ZBTB20: variants seen among roughly 807,000 people sequenced by gnomAD.
The protein encoded by ZBTB20 is zinc finger and BTB domain-containing protein 20.
Under a neutral mutation model 56.9 loss-of-function variants are expected in ZBTB20, and 9 were observed. That is an observed-to-expected ratio of 0.16 (90% CI 0.10 to 0.28). The LOEUF is 0.28. ZBTB20 is among the 10% of genes least tolerant of loss of function. The pLI, the probability that ZBTB20 is intolerant of heterozygous loss-of-function variation, is 1.00. For missense variants in ZBTB20, 655 were observed against 1,003.0 expected (o/e 0.65, Z 4.69); for synonymous variants, 417 against 420.7 (o/e 0.99, Z 0.11).
chr3:114,907,612 T>C (rs1356810116), intron 3 of ZBTB20, among the ~76,000 whole-genome samples: 2 of 151,914 alleles, frequency 1.3e-5, no homozygotes, highest in African/African-American at 4.8e-5. Context: ...TTTAGTAGTC[T>C]ATGTTCCCTG....
At chr3:114,709,608 G>T (rs956083615) in intron 5 of ZBTB20, among the ~76,000 whole-genome samples, 1 of 152,098 alleles carries the variant, frequency 6.6e-6, no homozygotes, top group Admixed American at 6.6e-5. Flanking sequence ...AAATGTTCTG[G>T]AATAGGCTGC....
At chr3:114,786,823 A>G (rs1437941665) in intron 5 of ZBTB20, among the ~76,000 whole-genome samples, 2 of 152,070 alleles carry the variant, frequency 1.3e-5, no homozygotes, top group African/African-American at 2.4e-5. Context: ...AGCTACTGAA[A>G]CTCTTATACA....
chr3:114,621,858 G>C (rs894735749), intron 6 of ZBTB20, among the ~76,000 whole-genome samples: 1 of 151,956 alleles, frequency 6.6e-6, no homozygotes, highest in Non-Finnish European at 1.5e-5. Context: ...AAAATACATC[G>C]TCTTGCCTTT....
At chr3:114,531,361 A>C (rs2047820706) in intron 6 of ZBTB20, among the ~76,000 whole-genome samples, 1 of 152,252 alleles carries the variant, frequency 6.6e-6, no homozygotes, top group Admixed American at 6.5e-5. Context: ...TTTGAGGACT[A>C]GATAAGTGAA....
chr3:114,473,628 G>T (rs932572508), intron 7 of ZBTB20, among the ~76,000 whole-genome samples: 2 of 152,146 alleles, frequency 1.3e-5, no homozygotes, highest in African/African-American at 4.8e-5. Context: ...CCCAGAGTTT[G>T]AGGCCAGCCT....
chr3:114,819,501 A>C (rs1439371478), intron 4 of ZBTB20, among the ~76,000 whole-genome samples: 1 of 151,962 alleles, frequency 6.6e-6, no homozygotes, highest in African/African-American at 2.4e-5. Flanking sequence ...AAAAGCAGAT[A>C]GTCCAGAAAT....
chr3:114,641,046 A>C (rs2059532231), intron 6 of ZBTB20, among the ~76,000 whole-genome samples: 1 of 152,118 alleles, frequency 6.6e-6, no homozygotes, highest in South Asian at 2.1e-4. Flanking sequence ...GAACATTATT[A>C]TTAACCCTTT....
intron 2 of ZBTB20, among the ~76,000 whole-genome samples, chr3:115,053,838 G>A (rs970004524): frequency 6.6e-6 from 1 of 152,000 alleles, no homozygotes; most frequent in Non-Finnish European, 1.5e-5. Flanking sequence ...AGAGGAAAAA[G>A]GATGAAAACA....
At chr3:114,936,335 T>G (rs1432305827) in intron 3 of ZBTB20, among the ~76,000 whole-genome samples, 1 of 152,194 alleles carries the variant, frequency 6.6e-6, no homozygotes, top group Admixed American at 6.5e-5. Flanking sequence ...TAAAACTGTC[T>G]GTCTTTCCTG....
chr3:114,710,213 T>C (rs925621667), intron 5 of ZBTB20: 4 of 152,226 alleles, frequency 2.6e-5, no homozygotes, highest in African/African-American at 7.2e-5. Context: ...GCAGACTGAA[T>C]TGAGACCAGT....
At chr3:114,745,430 G>C (rs2066965936) in intron 5 of ZBTB20, among the ~76,000 whole-genome samples, 2 of 152,076 alleles carry the variant, frequency 1.3e-5, no homozygotes, top group South Asian at 4.1e-4. Context: ...TACACATAAG[G>C]GAAGAGTCTG....
chr3:114,875,004 A>G (rs1308768813), intron 4 of ZBTB20, among the ~76,000 whole-genome samples: 1 of 152,128 alleles, frequency 6.6e-6, no homozygotes, highest in African/African-American at 2.4e-5. Flanking sequence ...TCATGTGCTC[A>G]TAGTCCTCTT....
At chr3:114,798,351 A>AAAAAAC (rs760294473) in intron 5 of ZBTB20, among the ~76,000 whole-genome samples, 13 of 22,412 alleles carry the variant, frequency 5.8e-4, no homozygotes, top group Non-Finnish European at 5.8e-4. Context: ...CAAAAAAACA[A>AAAAAAC]AAAAAAACAC....
chr3:114,631,277 T>A (rs1191405837), intron 6 of ZBTB20, among the ~76,000 whole-genome samples: 1 of 151,938 alleles, frequency 6.6e-6, no homozygotes, highest in East Asian at 1.9e-4. Context: ...TCGATTATCA[T>A]TTTTCCTTTC....
At position 115,062,137 on chromosome 3, in the gene ZBTB20, C is replaced by T. The variant is rs555264765; in HGVS notation, c.-507+9082G>A. 2.0e-5 allele frequency among the ~76,000 whole-genome samples: 3 copies of T among 152,286 alleles called. No homozygotes were observed. In the East Asian group the frequency reaches 5.8e-4, roughly 29 times the overall value. On this transcript the variant is annotated intron_variant, in intron 2 of 11. Coordinates refer to ENST00000675478, the MANE Select transcript of ZBTB20 (RefSeq NM_001348800.3). ...CCTATTATGCCAGTTACCAGCATTG[C>T]CAGCCCCTTTGCCCTTCACTGCCTG...
At chr3:114,914,071 T>A (rs1458083474) in intron 3 of ZBTB20, among the ~76,000 whole-genome samples, 1 of 152,100 alleles carries the variant, frequency 6.6e-6, no homozygotes, top group African/African-American at 2.4e-5. Context: ...TCTTTTGTGG[T>A]TTCCTATAAA....
intron 4 of ZBTB20, among the ~76,000 whole-genome samples, chr3:114,852,662 T>A (rs1169679264): frequency 2.0e-5 from 3 of 152,230 alleles, no homozygotes; most frequent in Admixed American, 6.5e-5. Flanking sequence ...TTGTGGTATA[T>A]GTTTTGATCT....
At chr3:114,738,797 T>C (rs1378616744) in intron 5 of ZBTB20, among the ~76,000 whole-genome samples, 5 of 152,072 alleles carry the variant, frequency 3.3e-5, no homozygotes, top group Non-Finnish European at 7.4e-5. Flanking sequence ...CAGGCAAACG[T>C]AATAGGAATA....
intron 4 of ZBTB20, among the ~76,000 whole-genome samples, chr3:114,810,981 A>G (rs1466238290): frequency 6.6e-6 from 1 of 152,206 alleles, no homozygotes; most frequent in East Asian, 1.9e-4. Context: ...AAATTCTCCC[A>G]TGGGAGATAA....
Sources: gnomAD v4.1 joint callset for allele counts (sites outside exome capture counted in the v4.1 genomes callset) on GRCh38, gnomAD v4.1.1 for gene constraint, MANE v1.5 for transcripts, NCBI Gene and HGNC (gene_info 2026-07-23, HGNC 2026-07-21) for gene names.